Variants in ANO1 observed in about 807,000 individuals in gnomAD.
ANO1 encodes anoctamin 1, also known as anoctamin-1.
In ANO1, 59 loss-of-function variants were observed where a neutral mutation model predicts 124.0. The ratio of observed to expected loss-of-function variants is 0.48; its 90% CI spans 0.39 to 0.59. ANO1 has a LOEUF of 0.59. ANO1 is among the 20% of genes least tolerant of loss of function. ANO1 has a pLI of 0.00. For missense variants in ANO1, 1,059 were observed against 1,328.0 expected, an observed-to-expected ratio of 0.80 and a Z score of 3.15; for synonymous variants, 529 against 532.0, an observed-to-expected ratio of 0.99 and a Z score of 0.08.
chr11:69,995,577 T>C (rs1003070758), intron 1 of ANO1, among the ~76,000 whole-genome samples: 6 of 152,242 alleles, frequency 3.9e-5, no homozygotes, highest in Non-Finnish European at 5.9e-5. Context: ...TTGACTCTGA[T>C]ACTTTTGAGA....
At chr11:70,067,398 G>A (rs916377537) in intron 1 of ANO1, among the ~76,000 whole-genome samples, 36 of 142,926 alleles carry the variant, frequency 2.5e-4, no homozygotes, top group African/African-American at 2.6e-5. Flanking sequence ...CGCAATCTCC[G>A]CTCACTGCAA....
chr11:70,079,346 C>T (rs1459098857), intron 1 of ANO1, among the ~76,000 whole-genome samples: 2 of 152,082 alleles, frequency 1.3e-5, no homozygotes, highest in African/African-American at 2.4e-5. Flanking sequence ...TTTCTACCCT[C>T]GCCCCTGTCT....
chr11:70,091,096 G>A (rs1289407256), intron 2 of ANO1, among the ~76,000 whole-genome samples: 1 of 152,210 alleles, frequency 6.6e-6, no homozygotes, highest in Non-Finnish European at 1.5e-5. Flanking sequence ...TTGGGCACAC[G>A]CAGCGTCTGA....
intron 1 of ANO1, among the ~76,000 whole-genome samples, chr11:70,084,616 G>T (rs2044304185): frequency 6.6e-6 from 1 of 152,160 alleles, no homozygotes; most frequent in South Asian, 2.1e-4. Flanking sequence ...CCCAGGTCTG[G>T]CTGACTACAC....
chr11:70,104,617 G>A (rs866168298), intron 4 of ANO1, among the ~76,000 whole-genome samples: 1 of 152,332 alleles, frequency 6.6e-6, no homozygotes, highest in African/African-American at 2.4e-5. Flanking sequence ...GCCTGGCAGG[G>A]CCACGTCTAT....
intron 9 of ANO1, among the ~76,000 whole-genome samples, chr11:70,125,257 C>T (rs34199493): frequency 0.4 from 60,322 of 151,250 alleles, 12,563 homozygotes; most frequent in East Asian, 0.56. Context: ...GCAGGAGAAT[C>T]GCTTGAACCC....
Position 70,182,576 on chromosome 11 carries a change from C to T in ANO1, c.2478C>T (p.Thr826=), listed in dbSNP as rs1355294993. 10 of 1,613,546 alleles carry T rather than the reference C, an allele frequency of 6.2e-6. No individual in the cohort carries two copies. Among genetic ancestry groups the T allele is most frequent in the South Asian group, 2.2e-5 (2 of 91,076 alleles). The stretch of plus-strand genomic sequence containing the variant: ...TCTACATGTACAGTAAGAACGGGAC[C>T]ATGCACGGCTTCGTCAACCACACCC... The part of the protein sequence containing the change: ...VYLYMYSKNG[T]MHGFVNHTLS... The change falls in exon 24 of 26, where the codon ACC becomes ACT. Residue 826 remains threonine (T), a synonymous_variant. Transcript: ENST00000355303.
At chr11:70,096,658 C>T (rs183356183) in intron 2 of ANO1, among the ~76,000 whole-genome samples, 2,477 of 152,152 alleles carry the variant, frequency 0.016, 44 homozygotes, top group Non-Finnish European at 0.028. Context: ...GTCAGGACTT[C>T]CAGACCAGCC....
At chr11:70,014,699 C>T (rs966235839) in intron 1 of ANO1, among the ~76,000 whole-genome samples, 2 of 152,128 alleles carry the variant, frequency 1.3e-5, no homozygotes, top group African/African-American at 2.4e-5. Context: ...CATACAGTTT[C>T]GGCTCTAAGA....
the ANO1 span, among the ~76,000 whole-genome samples, chr11:69,972,186 CAAAAAAAAAA>C: frequency 3.5e-5 from 3 of 86,552 alleles, no homozygotes; most frequent in Non-Finnish European, 6.9e-5. Context: ...GACTCCGTCT[CAAAAAAAAAA>C]AAAAAAAAAA....
At chr11:70,131,266 T>C (rs1247757148) in intron 10 of ANO1, among the ~76,000 whole-genome samples, 1 of 152,064 alleles carries the variant, frequency 6.6e-6, no homozygotes, top group Non-Finnish European at 1.5e-5. Flanking sequence ...CAGGGCCCCA[T>C]GCAAGAAGAA....
chr11:70,158,235 A>G (rs1398013967), intron 16 of ANO1, among the ~76,000 whole-genome samples: 4 of 152,218 alleles, frequency 2.6e-5, no homozygotes, highest in Admixed American at 6.5e-5. Context: ...TCAACCCCCA[A>G]TGGATTCGGC....
chr11:70,131,939 GAC>G lies in ANO1; in HGVS notation c.1122_1123del (p.His374GlnfsTer70). The G allele has an allele frequency of 6.2e-7, 1 of 1,608,192 alleles. No individual in the cohort carries two copies. Among genetic ancestry groups the G allele is most frequent in the Non-Finnish European group, 8.5e-7 (1 of 1,179,686 alleles). On this transcript the variant is annotated frameshift_variant, in exon 11 of 26. Coordinates refer to ENST00000355303, the MANE Select transcript of ANO1 (RefSeq NM_018043.7). LOFTEE classifies it high-confidence loss of function. Reference sequence around the variant, plus strand: ...TGCAGCATGGAGATGTGTGACCAGAGACACAATATCACCATGTGCCCGCTTTG... The same window carrying G: ...TGCAGCATGGAGATGTGTGACCAGAGACAATATCACCATGTGCCCGCTTTG...
chr11:70,161,286 A>G lies in ANO1; in HGVS notation c.1704A>G (p.Ala568=), dbSNP rs2276067. 0.66 allele frequency: 1,067,680 copies of G among 1,613,586 alleles called. 354,861 individuals carry two copies. Among genetic ancestry groups the G allele is most frequent in the East Asian group, 0.82 (36,590 of 44,870 alleles). The change falls in exon 17 of 26, where the codon GCA becomes GCG. Residue 568 remains alanine (A), a synonymous_variant. Transcript: ENST00000355303. Reference sequence around the variant, plus strand: ...TCCGGGTCACAGTCACAGCCACCGCAGTCATCATCAACCTAGTGGTCATCA... The same window carrying G: ...TCCGGGTCACAGTCACAGCCACCGCGGTCATCATCAACCTAGTGGTCATCA... ...SNIRVTVTAT[A]VIINLVVIIL... is the part of the protein sequence containing the mutation.
chr11:70,132,160 G>A (rs1565233146), intron 11 of ANO1, 81 bp downstream of exon 11: 6 of 1,459,906 alleles, frequency 4.1e-6, no homozygotes, highest in South Asian at 3.8e-5. Context: ...CTGTCTTTGC[G>A]AAATCATCCT....
intron 6 of ANO1, among the ~76,000 whole-genome samples, chr11:70,110,663 G>A (rs991961483): frequency 3.3e-5 from 5 of 152,110 alleles, no homozygotes; most frequent in Admixed American, 3.3e-4. Context: ...GCTATCAGGT[G>A]GAGTCTCAGA....
At chr11:70,040,986 G>A (rs1356855544) in intron 1 of ANO1, among the ~76,000 whole-genome samples, 8 of 152,148 alleles carry the variant, frequency 5.3e-5, no homozygotes, top group African/African-American at 1.7e-4. Context: ...GAGGTTCTGG[G>A]AGCTTGGTGG....
intron 6 of ANO1, among the ~76,000 whole-genome samples, chr11:70,108,642 G>A (rs1486832894): frequency 1.3e-5 from 2 of 152,192 alleles, no homozygotes; most frequent in African/African-American, 4.8e-5. Flanking sequence ...TTGTGAGCGT[G>A]TGGACAGGCT....
chr11:70,034,323 C>T (rs564008053), intron 1 of ANO1, among the ~76,000 whole-genome samples: 29 of 152,178 alleles, frequency 1.9e-4, no homozygotes, highest in African/African-American at 6.3e-4. Flanking sequence ...CAGAGAAACC[C>T]CTCATAGCTG....
Sources: gnomAD v4.1 joint callset for allele counts (sites outside exome capture counted in the v4.1 genomes callset) on GRCh38, gnomAD v4.1.1 for gene constraint, MANE v1.5 for transcripts, NCBI Gene and HGNC (gene_info 2026-07-23, HGNC 2026-07-21) for gene names.